The following PCDH9 variants were observed in gnomAD, a reference collection of about 807,000 sequenced individuals.
The protein encoded by PCDH9 is protocadherin-9.
PCDH9 carries 24 observed loss-of-function variants against 70.6 expected under a neutral mutation model. The ratio of observed to expected loss-of-function variants is 0.34; its 90% CI spans 0.25 to 0.48. PCDH9 has a LOEUF of 0.48. Among genes scored for constraint, PCDH9 ranks in the 20% least tolerant of loss-of-function variants. The pLI, the probability that PCDH9 is intolerant of heterozygous loss-of-function variation, is 0.99. For missense variants in PCDH9, 1,281 were observed against 1,503.6 expected (o/e 0.85, Z 2.45); for synonymous variants, 562 against 558.5 (o/e 1.01, Z -0.09).
At chr13:66,831,486 T>C (rs2080924251) in intron 3 of PCDH9, among the ~76,000 whole-genome samples, 1 of 152,160 alleles carries the variant, frequency 6.6e-6, no homozygotes, top group Non-Finnish European at 1.5e-5. Flanking sequence ...TTTGTGTTTA[T>C]TAGCTGGTTT....
intron 3 of PCDH9, among the ~76,000 whole-genome samples, chr13:66,892,138 CT>C (rs1206813726): frequency 1.3e-5 from 2 of 150,328 alleles, no homozygotes; most frequent in African/African-American, 4.9e-5. Flanking sequence ...CACTGTGAAT[CT>C]ACTTACATTA....
chr13:67,054,880 C>CA (rs1330834030), intron 2 of PCDH9, among the ~76,000 whole-genome samples: 1 of 151,988 alleles, frequency 6.6e-6, no homozygotes, highest in African/African-American at 2.4e-5. Context: ...ATGAATGGTC[C>CA]AAAAAATACA....
chr13:66,728,531 G>C (rs938651430), intron 3 of PCDH9, among the ~76,000 whole-genome samples: 3 of 151,996 alleles, frequency 2.0e-5, no homozygotes, highest in African/African-American at 7.2e-5. Flanking sequence ...ATGAAATTCT[G>C]GATTCACAGG....
At chr13:67,195,074 C>A (rs2089023430) in intron 2 of PCDH9, among the ~76,000 whole-genome samples, 1 of 151,694 alleles carries the variant, frequency 6.6e-6, no homozygotes, top group South Asian at 2.1e-4. Context: ...ACTGACAAAA[C>A]AATGCCTATG....
At position 67,077,793 on chromosome 13, in the gene PCDH9, T is replaced by A. The variant is rs35346818; in HGVS notation, c.3036+147612A>T. Among the ~76,000 whole-genome samples the A allele has an allele frequency of 7.9e-3, 1,195 of 152,198 alleles. 10 individuals carry two copies. The highest frequency in any genetic ancestry group is 0.014 in the Middle Eastern group (4 of 294). On this transcript the variant is annotated intron_variant, in intron 2 of 4. Transcript: ENST00000377865. ...ACTACCACTAACATTGAGGTCATCA[T>A]TTTTCAGGTGAATTACTAGAGTAGA...
chr13:67,021,200 A>C (rs2084666536), intron 2 of PCDH9, among the ~76,000 whole-genome samples: 1 of 152,198 alleles, frequency 6.6e-6, no homozygotes, highest in Non-Finnish European at 1.5e-5. Flanking sequence ...CTTATGTTAT[A>C]TTGCTGTACT....
chr13:67,186,754 A>T (rs945936398), intron 2 of PCDH9, among the ~76,000 whole-genome samples: 3 of 152,200 alleles, frequency 2.0e-5, no homozygotes, highest in African/African-American at 7.2e-5. Context: ...GTAATTCATT[A>T]GATATACTAA....
At chr13:66,681,876 A>G (rs974939200) in intron 3 of PCDH9, among the ~76,000 whole-genome samples, 15 of 151,186 alleles carry the variant, frequency 9.9e-5, no homozygotes, top group Non-Finnish European at 1.6e-4. Context: ...CATTTCACAA[A>G]TATCTGTGGA....
At chr13:66,363,441 G>C (rs1285273606) in intron 4 of PCDH9, among the ~76,000 whole-genome samples, 1 of 152,068 alleles carries the variant, frequency 6.6e-6, no homozygotes, top group Non-Finnish European at 1.5e-5. Flanking sequence ...ATACGTATCG[G>C]ATTCAATGAA....
At chr13:66,576,837 T>C (rs189710752) in intron 4 of PCDH9, among the ~76,000 whole-genome samples, 121 of 152,178 alleles carry the variant, frequency 8.0e-4, no homozygotes, top group Non-Finnish European at 1.4e-3. Flanking sequence ...CTATGGGTAA[T>C]TAAAATAAAA....
intron 3 of PCDH9, among the ~76,000 whole-genome samples, chr13:66,683,006 G>T (rs1280699973): frequency 6.6e-6 from 1 of 152,102 alleles, no homozygotes; most frequent in Non-Finnish European, 1.5e-5. Flanking sequence ...AGAAACAAAT[G>T]GCAGAGGTTT....
At chr13:66,440,759 T>C (rs1160103776) in intron 4 of PCDH9, among the ~76,000 whole-genome samples, 1 of 152,104 alleles carries the variant, frequency 6.6e-6, no homozygotes, top group African/African-American at 2.4e-5. Flanking sequence ...CAGAACAGTA[T>C]TTTTATTTTA....
intron 2 of PCDH9, among the ~76,000 whole-genome samples, chr13:67,030,117 G>A (rs2084873620): frequency 6.6e-6 from 1 of 152,070 alleles, no homozygotes; most frequent in Admixed American, 6.6e-5. Context: ...GTCTCGCTCT[G>A]TCACCCAGGC....
chr13:66,307,811 C>T (rs1284274924), intron 4 of PCDH9, among the ~76,000 whole-genome samples: 1 of 152,048 alleles, frequency 6.6e-6, no homozygotes, highest in African/African-American at 2.4e-5. Flanking sequence ...AGACATATCA[C>T]TCGAAGATTG....
intron 3 of PCDH9, among the ~76,000 whole-genome samples, chr13:66,802,944 G>A (rs190416075): frequency 1.2e-4 from 18 of 152,154 alleles, no homozygotes; most frequent in Admixed American, 5.2e-4. Context: ...GAACTCTAAC[G>A]GAATCACCTT....
intron 3 of PCDH9, among the ~76,000 whole-genome samples, chr13:66,896,185 A>G (rs934017340): frequency 8.5e-5 from 13 of 152,226 alleles, no homozygotes; most frequent in Non-Finnish European, 1.9e-4. Context: ...CAATCTTTAT[A>G]GAGTGTTAAG....
At chr13:66,483,636 G>C (rs764074135) in intron 4 of PCDH9, among the ~76,000 whole-genome samples, 1 of 152,170 alleles carries the variant, frequency 6.6e-6, no homozygotes, top group Non-Finnish European at 1.5e-5. Flanking sequence ...ATGGCAGCAC[G>C]GTGTTATTGA....
At chr13:67,204,921 C>T (rs751434260) in intron 2 of PCDH9, 3 of 152,150 alleles carry the variant, frequency 2.0e-5, no homozygotes, top group African/African-American at 4.8e-5. Flanking sequence ...ATTTGGCACT[C>T]TTCCATGAAA....
chr13:66,536,718 A>G (rs951475341), intron 4 of PCDH9, among the ~76,000 whole-genome samples: 1 of 148,848 alleles, frequency 6.7e-6, no homozygotes, highest in Non-Finnish European at 1.5e-5. Flanking sequence ...GAAAATGTAT[A>G]TGCTAAATGA....
Sources: allele counts gnomAD v4.1 joint callset (sites outside exome capture counted in the v4.1 genomes callset), GRCh38; gene constraint gnomAD v4.1.1; transcripts MANE v1.5; gene names NCBI Gene and HGNC (gene_info 2026-07-23, HGNC 2026-07-21).